LITAF: variants seen among roughly 807,000 people sequenced by gnomAD.
The protein encoded by LITAF is lipopolysaccharide induced TNF factor.
LITAF carries 9 observed loss-of-function variants against 14.5 expected under a neutral mutation model. The ratio of observed to expected loss-of-function variants is 0.62; its 90% CI spans 0.37 to 1.08. LITAF has a LOEUF of 1.08. Ranked by LOEUF, LITAF falls within the 50% of genes least tolerant of loss-of-function variation. LITAF has a pLI of 0.01. For synonymous variants in LITAF, 98 were observed against 88.2 expected (o/e 1.11, Z -0.62); for missense variants, 206 against 213.4 (o/e 0.97, Z 0.22).
intron 1 of LITAF, among the ~76,000 whole-genome samples, chr16:11,568,566 G>A (rs748173244): frequency 2.0e-5 from 3 of 151,890 alleles, no homozygotes; most frequent in African/African-American, 7.3e-5. Flanking sequence ...ATGTCACAAC[G>A]TCAACAGTTC....
chr16:11,621,891 G>A (rs1177542679), intron 3 of LITAF, among the ~76,000 whole-genome samples: 3 of 152,004 alleles, frequency 2.0e-5, no homozygotes, highest in Non-Finnish European at 2.9e-5. Flanking sequence ...CAGCTCCTAC[G>A]TTGCTGCAGC....
At chr16:11,616,911 C>CAAAAAAAA (rs766801773) in intron 3 of LITAF, among the ~76,000 whole-genome samples, 1 of 83,092 alleles carries the variant, frequency 1.2e-5, no homozygotes, top group African/African-American at 4.4e-5. Flanking sequence ...GACTCTATCT[C>CAAAAAAAA]AAAAAAAAAA....
intron 3 of LITAF, among the ~76,000 whole-genome samples, chr16:11,604,034 G>A (rs113344842): frequency 5.4e-4 from 81 of 149,974 alleles, no homozygotes; most frequent in African/African-American, 1.9e-3. Context: ...GCAACAGAGC[G>A]AGACTCCACT....
intron 3 of LITAF, among the ~76,000 whole-genome samples, chr16:11,607,559 G>T (rs1044753066): frequency 2.7e-5 from 4 of 150,678 alleles, no homozygotes; most frequent in Non-Finnish European, 4.4e-5. Flanking sequence ...AAAAAAAAAA[G>T]TTCCTTCCTT....
Position 11,553,843 on chromosome 16 carries a change from G to T in LITAF, c.221-154C>A. 3 of 806,354 alleles carry T rather than the reference G, an allele frequency of 3.7e-6. No individual in the cohort carries two copies. The highest frequency in any genetic ancestry group is 6.0e-6 in the Non-Finnish European group (3 of 498,558). 49.9% of individuals were successfully genotyped at this position (806,354 alleles called of 1,614,324 possible). A position where few individuals can be genotyped will look rare whatever the true frequency, so the allele number is the denominator to read the frequency against. ...GCGTTCATCGTCTGGCTATCTATGA[G>T]AGCCAAAAGGGGAAGGAACACCAGT... On this transcript the variant is annotated intron_variant, in intron 2 of 3. Transcript: ENST00000622633. The surrounding 1 kb of genome is among the most constrained non-coding windows in gnomAD (Gnocchi z 7.7).
upstream of LITAF, among the ~76,000 whole-genome samples, chr16:11,637,756 C>CT (rs2065143574): frequency 6.6e-6 from 1 of 151,080 alleles, no homozygotes; most frequent in Non-Finnish European, 1.5e-5. Context: ...CCGGTGGTGC[C>CT]TGTAGTCCCA....
intron 3 of LITAF, among the ~76,000 whole-genome samples, chr16:11,623,672 G>C (rs2065065194): frequency 6.9e-6 from 1 of 145,458 alleles, no homozygotes; most frequent in Admixed American, 6.9e-5. Context: ...AAAAAAAAAA[G>C]GATCTCTCTC....
At chr16:11,573,412 C>A (rs552167292) in intron 1 of LITAF, among the ~76,000 whole-genome samples, 1 of 152,288 alleles carries the variant, frequency 6.6e-6, no homozygotes, top group Non-Finnish European at 1.5e-5. Flanking sequence ...AGTCCAGCAA[C>A]TCTTCCTCCA....
At chr16:11,606,738 G>T (rs944051766) in intron 3 of LITAF, among the ~76,000 whole-genome samples, 1 of 150,358 alleles carries the variant, frequency 6.7e-6, no homozygotes, top group Non-Finnish European at 1.5e-5. Context: ...GGGTTCAATC[G>T]AATTTCCTGC....
intron 1 of LITAF, among the ~76,000 whole-genome samples, chr16:11,580,791 G>T (rs543546528): frequency 4.1e-5 from 6 of 147,104 alleles, no homozygotes; most frequent in Non-Finnish European, 9.1e-5. Context: ...TTTGAGACAG[G>T]GTCTTGTCTG....
chr16:11,564,265 A>G (rs146425682), intron 1 of LITAF, among the ~76,000 whole-genome samples: 88 of 152,162 alleles, frequency 5.8e-4, no homozygotes, highest in African/African-American at 2.1e-3. Flanking sequence ...GAGAAGCCAC[A>G]GTGTCAGACC....
Position 11,549,088 on chromosome 16 carries a change from G to T in LITAF, c.*549C>A, listed in dbSNP as rs940482072. 1 of 453,938 alleles carries T rather than the reference G, an allele frequency of 2.2e-6. No individual in the cohort carries two copies. The highest frequency in any genetic ancestry group is 4.4e-6 in the Non-Finnish European group (1 of 226,778). 28.1% of individuals were successfully genotyped at this position (453,938 alleles called of 1,614,324 possible). On this transcript the variant is annotated 3_prime_UTR_variant, in exon 4 of 4. Transcript: ENST00000622633. The surrounding 1 kb of genome is among the most constrained non-coding windows in gnomAD (Gnocchi z 4.6). ...AATTAAGAAATTAAAGTGAATCTGT[G>T]TGCTAATGAAGTCTGCAGTTACAGA...
chr16:11,615,898 G>A (rs1318655388), intron 3 of LITAF, among the ~76,000 whole-genome samples: 1 of 152,148 alleles, frequency 6.6e-6, no homozygotes, highest in East Asian at 1.9e-4. Flanking sequence ...TGCTTAGAGG[G>A]TTAGAAGGTT....
intron 1 of LITAF, among the ~76,000 whole-genome samples, chr16:11,576,366 G>A (rs1419671495): frequency 1.3e-5 from 2 of 152,044 alleles, no homozygotes; most frequent in East Asian, 3.9e-4. Context: ...TTACTCCAGA[G>A]GCTAAGGCAT....
At position 11,553,388 on chromosome 16, in the gene LITAF, G is replaced by A. The variant is rs943887872; in HGVS notation, c.377+145C>T. ...ATCGCCCCACTGTACTCCAGCCTGG[G>A]CGACAGAACCAGATTCCATCTCAAA... is the stretch of plus-strand genomic sequence containing the variant. On this transcript the variant is annotated intron_variant, in intron 3 of 3. Coordinates refer to ENST00000622633, the MANE Select transcript of LITAF (RefSeq NM_001136472.2). This position sits in a 1 kb window ranked among gnomAD's most constrained non-coding sequence, Gnocchi z 7.7. 2.2e-6 allele frequency: 2 copies of A among 895,138 alleles called. No homozygotes were observed. Among genetic ancestry groups the A allele is most frequent in the Non-Finnish European group, 3.5e-6 (2 of 575,144 alleles). The allele number at this position is 895,138 out of a possible 1,614,324, so 55.4% of individuals were successfully genotyped here.
In LITAF at chr16:11,549,607, C is replaced by G; in HGVS notation, c.*30G>C. 1 of 1,548,008 alleles carries G rather than the reference C, an allele frequency of 6.5e-7. No homozygotes were observed. On this transcript the variant is annotated 3_prime_UTR_variant, in exon 4 of 4. Coordinates refer to ENST00000622633, the MANE Select transcript of LITAF (RefSeq NM_001136472.2). This position sits in a 1 kb window ranked among gnomAD's most constrained non-coding sequence, Gnocchi z 4.6. ...GAGAGGTGGAAAGGACTTCCTGCGG[C>G]ACCCGGCTCCCTCCACGTCTGGCTG...
chr16:11,622,322 C>T (rs1256733121), intron 3 of LITAF, among the ~76,000 whole-genome samples: 1 of 152,260 alleles, frequency 6.6e-6, no homozygotes, highest in Non-Finnish European at 1.5e-5. Context: ...GACCCCAAGC[C>T]GCCTGCGGCC....
At chr16:11,581,722 AAAAAT>A (rs994501924) in intron 1 of LITAF, among the ~76,000 whole-genome samples, 5 of 152,190 alleles carry the variant, frequency 3.3e-5, no homozygotes, top group Non-Finnish European at 5.9e-5. Flanking sequence ...GTGAAAAATA[AAAAAT>A]AAAATAAAAT....
At chr16:11,624,464 G>C (rs1024053905) in intron 3 of LITAF, among the ~76,000 whole-genome samples, 1 of 152,134 alleles carries the variant, frequency 6.6e-6, no homozygotes, top group East Asian at 1.9e-4. Flanking sequence ...AATGGAAATA[G>C]GTAGTTACTA....
Sources: allele counts gnomAD v4.1 joint callset (sites outside exome capture counted in the v4.1 genomes callset), GRCh38; gene constraint gnomAD v4.1.1; non-coding constraint Gnocchi (gnomAD v3.1); transcripts MANE v1.5; gene names NCBI Gene and HGNC (gene_info 2026-07-23, HGNC 2026-07-21).